Variants in SPAG16 observed in about 807,000 individuals in gnomAD.
SPAG16 encodes sperm associated antigen 16, also known as sperm-associated antigen 16 protein.
In SPAG16, 86 loss-of-function variants were observed where a neutral mutation model predicts 80.4. That is an observed-to-expected ratio of 1.07 (90% CI 0.90 to 1.28). The LOEUF (loss-of-function observed/expected upper bound fraction) is 1.28. Ranked by LOEUF, SPAG16 falls within the 50% of genes most tolerant of loss-of-function variation. SPAG16 has a pLI of 0.00. For synonymous variants in SPAG16, 294 were observed against 265.9 expected, an observed-to-expected ratio of 1.11 and a Z score of -1.03; for missense variants, 870 against 765.3, an observed-to-expected ratio of 1.14 and a Z score of -1.61.
At chr2:213,327,220 G>A (rs558509021) in intron 5 of SPAG16, among the ~76,000 whole-genome samples, 1 of 150,712 alleles carries the variant, frequency 6.6e-6, no homozygotes, top group South Asian at 2.1e-4. Context: ...ATATTATATA[G>A]TTTAAAATAT....
chr2:213,428,411 G>T lies in SPAG16; in HGVS notation c.942+53292G>T, dbSNP rs756651147. Among the ~76,000 whole-genome samples, 74 of 152,142 alleles carry T rather than the reference G, an allele frequency of 4.9e-4. 1 individual carries two copies. The highest frequency in any genetic ancestry group is 7.4e-5 in the Non-Finnish European group (5 of 68,024). ...ACCCCAAGCATTTTCCAGTACTTGG[G>T]ACCTGATAGAAAAATGTGATTCTCA... On this transcript the variant is annotated intron_variant, in intron 9 of 15. Transcript: ENST00000331683.
chr2:213,597,667 T>C (rs2060928640), intron 10 of SPAG16, among the ~76,000 whole-genome samples: 1 of 152,154 alleles, frequency 6.6e-6, no homozygotes, highest in Admixed American at 6.5e-5. Flanking sequence ...GCCTTGTTTC[T>C]CCAAAATCTT....
intron 12 of SPAG16, among the ~76,000 whole-genome samples, chr2:213,953,880 C>A (rs1010805584): frequency 2.0e-5 from 3 of 151,598 alleles, no homozygotes; most frequent in African/African-American, 7.3e-5. Context: ...GAAGAAAAGG[C>A]GATGTAATGA....
chr2:213,373,269 C>G (rs1002470209), intron 8 of SPAG16, among the ~76,000 whole-genome samples: 7 of 152,072 alleles, frequency 4.6e-5, no homozygotes, highest in African/African-American at 7.2e-5. Flanking sequence ...TTGTCTGTGC[C>G]TTTCATTTGT....
intron 5 of SPAG16, among the ~76,000 whole-genome samples, chr2:213,324,339 G>T (rs1456336325): frequency 2.0e-5 from 3 of 151,862 alleles, no homozygotes; most frequent in African/African-American, 4.8e-5. Flanking sequence ...ATATAATTTT[G>T]GCAAACGGAT....
intron 10 of SPAG16, among the ~76,000 whole-genome samples, chr2:213,792,576 CTTT>C (rs11372174): frequency 1.2e-4 from 9 of 78,248 alleles, no homozygotes; most frequent in African/African-American, 3.4e-4. Context: ...AAATGAGTAT[CTTT>C]TTTTTTTTTT....
rs75230535 is a variant in SPAG16, at chr2:214,009,324, C to T, written c.1401-4627C>T. ...CTTCAGTTCTACTGGGCTCTATTTC[C>T]GTATTTGATAGTAAAAAGTGCATCC... On this transcript the variant is annotated intron_variant, in intron 12 of 15. Transcript: ENST00000331683. Among the ~76,000 whole-genome samples, 336 of 152,052 alleles carry T rather than the reference C, an allele frequency of 2.2e-3. 2 individuals carry two copies. Among genetic ancestry groups the T allele is most frequent in the African/African-American group, 7.9e-3 (327 of 41,458 alleles).
At chr2:213,547,248 T>C (rs934035424) in intron 10 of SPAG16, among the ~76,000 whole-genome samples, 2 of 152,084 alleles carry the variant, frequency 1.3e-5, no homozygotes, top group African/African-American at 4.8e-5. Context: ...AATAATATAA[T>C]AGAAAAGGGC....
chr2:213,515,000 C>G (rs576273787), intron 10 of SPAG16, among the ~76,000 whole-genome samples: 6 of 152,148 alleles, frequency 3.9e-5, no homozygotes, highest in Non-Finnish European at 7.4e-5. Flanking sequence ...TTTAAACTCT[C>G]TTGATAACCA....
intron 15 of SPAG16, among the ~76,000 whole-genome samples, chr2:214,382,586 T>C (rs140444947): frequency 6.6e-6 from 1 of 152,314 alleles, no homozygotes; most frequent in African/African-American, 2.4e-5. Flanking sequence ...GAGAGATTCT[T>C]AGAGATGGCA....
At chr2:214,386,287 G>A (rs1169961639) in intron 15 of SPAG16, among the ~76,000 whole-genome samples, 1 of 152,110 alleles carries the variant, frequency 6.6e-6, no homozygotes, top group Non-Finnish European at 1.5e-5. Context: ...GGAGGCTGAG[G>A]TGGTGGGATG....
chr2:213,465,730 G>T (rs369394652), intron 9 of SPAG16, among the ~76,000 whole-genome samples: 1 of 152,134 alleles, frequency 6.6e-6, no homozygotes, highest in South Asian at 2.1e-4. Flanking sequence ...CTAAGCTACC[G>T]CTGCAACTGC....
At chr2:213,999,415 G>A (rs184352431) in intron 12 of SPAG16, among the ~76,000 whole-genome samples, 2 of 152,326 alleles carry the variant, frequency 1.3e-5, no homozygotes, top group East Asian at 3.9e-4. Context: ...CTGGGGCTTG[G>A]GAACCTTTGC....
At chr2:213,950,082 G>A (rs1046750981) in intron 12 of SPAG16, among the ~76,000 whole-genome samples, 3 of 152,178 alleles carry the variant, frequency 2.0e-5, no homozygotes, top group African/African-American at 7.2e-5. Context: ...TCTACAGTGT[G>A]AGAAGGAGGA....
intron 15 of SPAG16, among the ~76,000 whole-genome samples, chr2:214,203,833 C>A (rs548951327): frequency 1.3e-5 from 2 of 152,124 alleles, no homozygotes; most frequent in African/African-American, 4.8e-5. Flanking sequence ...GAGAAGGGGG[C>A]GAATCAGGGG....
At chr2:213,580,309 T>C (rs2060260260) in intron 10 of SPAG16, among the ~76,000 whole-genome samples, 1 of 152,118 alleles carries the variant, frequency 6.6e-6, no homozygotes, top group Admixed American at 6.6e-5. Flanking sequence ...AAGAATAATA[T>C]ACAGATTATT....
chr2:214,084,801 A>G (rs532087221), intron 13 of SPAG16, among the ~76,000 whole-genome samples: 114 of 152,314 alleles, frequency 7.5e-4, no homozygotes, highest in Admixed American at 2.0e-3. Flanking sequence ...TAATTTCTTC[A>G]TCATTCATTA....
At chr2:214,216,048 C>T (rs1327307264) in intron 15 of SPAG16, among the ~76,000 whole-genome samples, 6 of 152,070 alleles carry the variant, frequency 3.9e-5, no homozygotes, top group Non-Finnish European at 7.4e-5. Flanking sequence ...GTCTTGGAGG[C>T]AGGAATTTGA....
intron 12 of SPAG16, among the ~76,000 whole-genome samples, chr2:214,011,338 T>C (rs2047271375): frequency 6.8e-6 from 1 of 146,248 alleles, no homozygotes; most frequent in Admixed American, 6.7e-5. Context: ...TAAAAGAAAA[T>C]AACTTATTCT....
Sources: allele counts gnomAD v4.1 joint callset (sites outside exome capture counted in the v4.1 genomes callset), GRCh38; gene constraint gnomAD v4.1.1; transcripts MANE v1.5; gene names NCBI Gene and HGNC (gene_info 2026-07-23, HGNC 2026-07-21).